Variants in PDE4C observed in about 807,000 individuals in gnomAD.
The protein encoded by PDE4C is 3',5'-cyclic-AMP phosphodiesterase 4C.
Under a neutral mutation model 63.9 loss-of-function variants are expected in PDE4C, and 50 were observed. The observed-to-expected ratio is 0.78, with a 90% CI of 0.62 to 0.99. The LOEUF is 0.99. Among genes scored for constraint, PDE4C ranks in the 50% least tolerant of loss-of-function variants. The probability of loss-of-function intolerance (pLI) is 0.00; values close to 1 mark genes in which losing one functional copy is unlikely to be tolerated. For synonymous variants in PDE4C, 377 were observed against 385.1 expected, an observed-to-expected ratio of 0.98 and a Z score of 0.25; for missense variants, 777 against 899.1, an observed-to-expected ratio of 0.86 and a Z score of 1.74.
chr19:18,242,744 C>T (rs1324485619), intron 1 of PDE4C, among the ~76,000 whole-genome samples: 1 of 145,008 alleles, frequency 6.9e-6, no homozygotes, highest in Non-Finnish European at 1.5e-5. Context: ...AAGATCGCAC[C>T]ACTGCACTCT....
intron 1 of PDE4C, 147 bp from the exon 2 acceptor site, chr19:18,222,470 C>A: frequency 1.6e-6 from 1 of 640,736 alleles, no homozygotes; most frequent in Admixed American, 2.9e-5. Flanking sequence ...CCCAGCTACA[C>A]CCTCAGGAAC....
At position 18,220,526 on chromosome 19, in the gene PDE4C, A is replaced by G. The variant is rs1452596921; in HGVS notation, c.500-11T>C. On this transcript the variant is annotated splice_polypyrimidine_tract_variant and intron_variant, in intron 5 of 14. Transcript: ENST00000262805. This position sits in a 1 kb window ranked among gnomAD's most constrained non-coding sequence, Gnocchi z 5.1. ...TCTGCCCCGTGTCCTCTGGGAGCCGAGGCAGTCAGGGGCCTGCCCAACCCC... is the reference window on the plus strand; with the variant it reads ...TCTGCCCCGTGTCCTCTGGGAGCCGGGGCAGTCAGGGGCCTGCCCAACCCC... The G allele has an allele frequency of 2.4e-5, 39 of 1,593,302 alleles. No homozygotes were observed. The highest frequency in any genetic ancestry group is 3.2e-5 in the Non-Finnish European group (37 of 1,169,494).
chr19:18,246,754 C>T (rs1022303064), intron 1 of PDE4C, among the ~76,000 whole-genome samples: 2 of 152,166 alleles, frequency 1.3e-5, no homozygotes, highest in African/African-American at 4.8e-5. Flanking sequence ...ATGGAGAAAC[C>T]CGTCTCTACT....
At chr19:18,216,787 A>T in exon 12 of PDE4C, 1 of 1,613,178 alleles carries the variant, frequency 6.2e-7, no homozygotes, top group Non-Finnish European at 8.5e-7. Flanking sequence ...CTTGGCGCTG[A>T]GGTTCTGGAA....
chr19:18,213,392 CAGG>C, exon 13 of PDE4C: 1 of 1,613,768 alleles, frequency 6.2e-7, no homozygotes, highest in Non-Finnish European at 8.5e-7. Flanking sequence ...AATAGTTGTC[CAGG>C]AGGAGGACAC....
chr19:18,241,883 T>A (rs1280687186), intron 1 of PDE4C, among the ~76,000 whole-genome samples: 1 of 152,122 alleles, frequency 6.6e-6, no homozygotes, highest in African/African-American at 2.4e-5. Flanking sequence ...AAAACAAGGT[T>A]CCAGATGGGA....
chr19:18,233,599 A>G, exon 1 of PDE4C: 1 of 471,332 alleles, frequency 2.1e-6, no homozygotes, highest in South Asian at 1.6e-5. Flanking sequence ...GGGCAGGGAG[A>G]CAGGGTCTCA....
chr19:18,232,922 G>A lies in PDE4C; in HGVS notation c.242+28C>T, dbSNP rs1163404663. 11 of 1,422,572 alleles carry A rather than the reference G, an allele frequency of 7.7e-6. No homozygotes were observed. The African/African-American group carries it at 1.5e-4, about 19-fold the overall frequency. The allele number at this position is 1,422,572 out of a possible 1,614,324, so 88.1% of individuals were successfully genotyped here. Reference sequence around the variant, plus strand: ...GCCCCGCGCGCCCCTCCCCCGCGCTGCAGGAGGCCCCTGCCCCGGCCACCT... The same window carrying A: ...GCCCCGCGCGCCCCTCCCCCGCGCTACAGGAGGCCCCTGCCCCGGCCACCT... On this transcript the variant is annotated intron_variant, in intron 1 of 14. Coordinates refer to the PDE4C transcript ENST00000594465.
At chr19:18,213,418 C>T (rs1968054851) in exon 13 of PDE4C, 1 of 1,613,952 alleles carries the variant, frequency 6.2e-7, no homozygotes, top group Non-Finnish European at 8.5e-7. Flanking sequence ...AGGCTTGTCA[C>T]CTTCTTGGTC....
At chr19:18,250,076 TC>T, upstream of PDE4C, 1 of 398,690 alleles carries the variant, frequency 2.5e-6, no homozygotes, top group Non-Finnish European at 4.4e-6. Flanking sequence ...GTTCTGCTCC[TC>T]CCCAGGAACC....
chr19:18,211,283 C>A lies in PDE4C; in HGVS notation c.1696-7G>T. ...TGTAGTCAATGAAACCCACCTGTGGCGGGGGGTGGGGCATGTCGGCATTTG... is the reference window on the plus strand; with the variant it reads ...TGTAGTCAATGAAACCCACCTGTGGAGGGGGGTGGGGCATGTCGGCATTTG... On this transcript the variant is annotated splice_region_variant and splice_polypyrimidine_tract_variant and intron_variant, in intron 14 of 14. Coordinates refer to ENST00000262805, the Ensembl canonical transcript of PDE4C. 1 of 1,564,882 alleles carries A rather than the reference C, an allele frequency of 6.4e-7. No homozygotes were observed. Among genetic ancestry groups the A allele is most frequent in the Non-Finnish European group, 8.7e-7 (1 of 1,151,110 alleles).
chr19:18,234,420 C>T (rs1039920375), upstream of PDE4C, among the ~76,000 whole-genome samples: 2 of 152,184 alleles, frequency 1.3e-5, no homozygotes, highest in African/African-American at 4.8e-5. Context: ...CTCAAGTCTC[C>T]ACCCACCAGG....
upstream of PDE4C, among the ~76,000 whole-genome samples, chr19:18,227,947 C>A (rs1409247497): frequency 6.6e-6 from 1 of 152,182 alleles, no homozygotes; most frequent in Non-Finnish European, 1.5e-5. Context: ...GGAGGAGTCA[C>A]ACAGCCCAGA....
At chr19:18,218,981 C>T in exon 9 of PDE4C, 3 of 1,613,674 alleles carry the variant, frequency 1.9e-6, no homozygotes, top group Non-Finnish European at 2.5e-6. Flanking sequence ...GGCCGGTTCC[C>T]ACTTAGCTCC....
At chr19:18,214,837 C>T (rs1487789290) in intron 12 of PDE4C, among the ~76,000 whole-genome samples, 1 of 151,306 alleles carries the variant, frequency 6.6e-6, no homozygotes, top group Non-Finnish European at 1.5e-5. Flanking sequence ...GTAATCCCAG[C>T]TACTCAGAGG....
chr19:18,228,233 G>A (rs546874580), upstream of PDE4C, among the ~76,000 whole-genome samples: 50 of 152,002 alleles, frequency 3.3e-4, no homozygotes, highest in African/African-American at 1.2e-3. Context: ...AGGAGAAACC[G>A]AGGCACAGAG....
At chr19:18,249,918 TC>T (rs34901194), upstream of PDE4C, 3 of 388,480 alleles carry the variant, frequency 7.7e-6, no homozygotes, top group East Asian at 1.1e-4. Flanking sequence ...AGTCTGTGGA[TC>T]CCCTGAAAGT....
At chr19:18,216,622 T>A in intron 12 of PDE4C, 119 bp downstream of exon 12, 1 of 983,274 alleles carries the variant, frequency 1.0e-6, no homozygotes, top group East Asian at 2.5e-5. Flanking sequence ...AGTGAGGACA[T>A]GCCTGGGTCT....
intron 11 of PDE4C, 104 bp from the exon 12 acceptor site, chr19:18,216,999 A>C: frequency 7.7e-7 from 1 of 1,299,966 alleles, no homozygotes; most frequent in Non-Finnish European, 1.1e-6. Flanking sequence ...CATGCGTTGA[A>C]GGCCCAACTC....
Sources: gnomAD v4.1 joint callset for allele counts (sites outside exome capture counted in the v4.1 genomes callset) on GRCh38, gnomAD v4.1.1 for gene constraint, Gnocchi (gnomAD v3.1) non-coding constraint, MANE v1.5 for transcripts, NCBI Gene and HGNC (gene_info 2026-07-23, HGNC 2026-07-21) for gene names.